FRMD4A: variants seen among roughly 807,000 people sequenced by gnomAD.
FRMD4A encodes the protein FERM domain-containing protein 4A.
A neutral mutation model predicts 129.1 loss-of-function variants in FRMD4A; 29 were observed. The ratio of observed to expected loss-of-function variants is 0.22; its 90% CI spans 0.17 to 0.31. The LOEUF (loss-of-function observed/expected upper bound fraction) is 0.31. Ranked by LOEUF, FRMD4A falls within the 10% of genes least tolerant of loss-of-function variation. The pLI is 1.00. For synonymous variants in FRMD4A, 634 were observed against 571.6 expected (o/e 1.11, Z -1.56); for missense variants, 1,272 against 1,375.8 (o/e 0.92, Z 1.19).
At chr10:14,035,567 T>C (rs1302302415) in intron 2 of FRMD4A, among the ~76,000 whole-genome samples, 2 of 152,184 alleles carry the variant, frequency 1.3e-5, no homozygotes, top group African/African-American at 4.8e-5. Context: ...TGGATAAATT[T>C]AGCTTGATAG....
chr10:13,677,027 G>A (rs1341090076), intron 15 of FRMD4A, among the ~76,000 whole-genome samples: 1 of 152,156 alleles, frequency 6.6e-6, no homozygotes, highest in Non-Finnish European at 1.5e-5. Flanking sequence ...CATAAAGCTA[G>A]AAAGAACTTC....
intron 2 of FRMD4A, among the ~76,000 whole-genome samples, chr10:14,135,891 A>T (rs1310316057): frequency 6.6e-6 from 1 of 152,200 alleles, no homozygotes; most frequent in African/African-American, 2.4e-5. Context: ...TATTAGGAGA[A>T]ACTGTATATT....
chr10:13,729,135 A>G (rs866916867), intron 12 of FRMD4A, among the ~76,000 whole-genome samples: 1 of 15,568 alleles, frequency 6.4e-5, no homozygotes, highest in Non-Finnish European at 2.4e-4. Flanking sequence ...CTCTAGACGC[A>G]TGGAAAGCGT....
intron 2 of FRMD4A, among the ~76,000 whole-genome samples, chr10:14,260,556 C>T (rs1844767023): frequency 6.6e-6 from 1 of 152,146 alleles, no homozygotes; most frequent in Admixed American, 6.5e-5. Context: ...GGCATGGCAC[C>T]TCAAGGACAG....
intron 4 of FRMD4A, among the ~76,000 whole-genome samples, chr10:13,802,059 T>A (rs550975129): frequency 6.6e-6 from 1 of 150,902 alleles, no homozygotes; most frequent in African/African-American, 2.4e-5. Context: ...TTTGTTATTA[T>A]GTGACTGATA....
At chr10:13,654,204 G>A (rs1006797454) in intron 23 of FRMD4A, 1 of 596,242 alleles carries the variant, frequency 1.7e-6, no homozygotes, top group Non-Finnish European at 3.0e-6. Context: ...TACTTTAAGA[G>A]AACACAGACA....
At chr10:14,177,654 T>C (rs1308716579) in intron 2 of FRMD4A, among the ~76,000 whole-genome samples, 1 of 152,202 alleles carries the variant, frequency 6.6e-6, no homozygotes, top group Non-Finnish European at 1.5e-5. Context: ...TTAAACAAAA[T>C]TCGACTGATT....
intron 2 of FRMD4A, among the ~76,000 whole-genome samples, chr10:14,304,961 A>G (rs1846300455): frequency 6.6e-6 from 1 of 152,170 alleles, no homozygotes; most frequent in African/African-American, 2.4e-5. Context: ...CGGGTTTGAT[A>G]AAGCTTCCCT....
chr10:13,818,383 T>A (rs937221897), intron 3 of FRMD4A, among the ~76,000 whole-genome samples: 1 of 152,206 alleles, frequency 6.6e-6, no homozygotes, highest in African/African-American at 2.4e-5. Context: ...TTGCCCAGGC[T>A]GGTCTTGAAC....
At chr10:13,766,099 G>A (rs1013544453) in intron 6 of FRMD4A, among the ~76,000 whole-genome samples, 1 of 152,218 alleles carries the variant, frequency 6.6e-6, no homozygotes, top group Non-Finnish European at 1.5e-5. Flanking sequence ...CTACCTGCGC[G>A]GAGGCGGGTA....
intron 3 of FRMD4A, among the ~76,000 whole-genome samples, chr10:13,826,555 C>T (rs969783356): frequency 2.0e-5 from 3 of 152,282 alleles, no homozygotes; most frequent in African/African-American, 7.2e-5. Flanking sequence ...CGCCCAGAGA[C>T]ATGGCACTGG....
intron 3 of FRMD4A, among the ~76,000 whole-genome samples, chr10:13,835,844 C>T (rs2093864494): frequency 6.6e-6 from 1 of 152,178 alleles, no homozygotes; most frequent in Non-Finnish European, 1.5e-5. Flanking sequence ...CATCCCCCTC[C>T]CCCTTTCACC....
chr10:14,216,652 G>T (rs747716628), intron 2 of FRMD4A, among the ~76,000 whole-genome samples: 2 of 152,046 alleles, frequency 1.3e-5, no homozygotes, highest in Admixed American at 1.3e-4. Context: ...CCACCCGTTC[G>T]CCAGCAAGTC....
chr10:13,798,947 T>G (rs918066860), intron 4 of FRMD4A, among the ~76,000 whole-genome samples: 1 of 152,132 alleles, frequency 6.6e-6, no homozygotes, highest in Admixed American at 6.5e-5. Context: ...GGCCTTTCCC[T>G]TCCTTCTTCC....
intron 3 of FRMD4A, among the ~76,000 whole-genome samples, chr10:13,848,763 C>CT (rs1314335772): frequency 6.6e-6 from 1 of 152,158 alleles, no homozygotes; most frequent in Non-Finnish European, 1.5e-5. Context: ...AGAAAGAAAG[C>CT]TTACCGACTT....
intron 4 of FRMD4A, among the ~76,000 whole-genome samples, chr10:13,806,150 T>A (rs1588832180): frequency 6.6e-6 from 1 of 152,154 alleles, no homozygotes; most frequent in South Asian, 2.1e-4. Context: ...AGCCACAATT[T>A]TTTTTTTTTT....
chr10:14,146,116 G>C (rs1341430699), intron 2 of FRMD4A, among the ~76,000 whole-genome samples: 1 of 152,164 alleles, frequency 6.6e-6, no homozygotes, highest in Admixed American at 6.5e-5. Context: ...ATCTCTTAAT[G>C]AGGAGAGTAA....
chr10:14,077,128 C>T (rs1006149565), intron 2 of FRMD4A, among the ~76,000 whole-genome samples: 52 of 152,212 alleles, frequency 3.4e-4, no homozygotes, highest in African/African-American at 1.1e-3. Context: ...AGTGAGGAGA[C>T]ACCAGAAATC....
intron 2 of FRMD4A, among the ~76,000 whole-genome samples, chr10:14,180,677 T>C (rs965146514): frequency 2.6e-5 from 4 of 152,304 alleles, no homozygotes; most frequent in East Asian, 1.9e-4. Context: ...CGATTCCTAA[T>C]CCAAGATGAG....
Sources: allele counts gnomAD v4.1 joint callset (sites outside exome capture counted in the v4.1 genomes callset), GRCh38; gene constraint gnomAD v4.1.1; transcripts MANE v1.5; gene names NCBI Gene and HGNC (gene_info 2026-07-23, HGNC 2026-07-21).